OR10G7: variants seen among roughly 807,000 people sequenced by gnomAD.
OR10G7 encodes the protein olfactory receptor family 10 subfamily G member 7.
For synonymous variants in OR10G7, 165 were observed against 167.4 expected (o/e 0.99, Z 0.11); for missense variants, 338 against 382.1 (o/e 0.88, Z 0.96).
chr11:124,036,284 T>A lies in OR10G7; in HGVS notation c.*1782A>T, dbSNP rs545120455. Reference sequence around the variant, plus strand: ...TAAAGACTGACATTCTTCTTATATATGTTTATCAATAATTTACTTTCAAAA... The same window carrying A: ...TAAAGACTGACATTCTTCTTATATAAGTTTATCAATAATTTACTTTCAAAA... On this transcript the variant is annotated 3_prime_UTR_variant, in exon 2 of 2. Coordinates refer to ENST00000641585, the MANE Select transcript of OR10G7 (RefSeq NM_001004463.2). The A allele has an allele frequency of 2.0e-5, 3 of 152,318 alleles. No homozygotes were observed. The highest frequency in any genetic ancestry group is 7.2e-5 in the African/African-American group (3 of 41,598). The allele number at this position is 152,318 out of a possible 1,614,324, so 9.4% of individuals were successfully genotyped here. A position where few individuals can be genotyped will look rare whatever the true frequency, so the allele number is the denominator to read the frequency against.
chr11:124,038,436 G>A lies in OR10G7; in HGVS notation c.566C>T (p.Ala189Val), dbSNP rs758704940. 1.7e-5 allele frequency: 28 copies of A among 1,613,952 alleles called. No homozygotes were observed. The highest frequency in any genetic ancestry group is 2.3e-5 in the Non-Finnish European group (27 of 1,179,898). Reference protein sequence around the residue: ...DAPPILKLACADTSANEMVIF... With the variant: ...DAPPILKLACVDTSANEMVIF... Reference sequence around the variant, plus strand: ...GACCATCTCGTTGGCTGAGGTGTCTGCACAGGCCAGTTTCAGGATGGGCGG... The same window carrying A: ...GACCATCTCGTTGGCTGAGGTGTCTACACAGGCCAGTTTCAGGATGGGCGG... Residue 189 changes from alanine to valine, a missense_variant, in exon 2 of 2, where the codon GCA becomes GTA. By Grantham distance (64) the Ala-to-Val change is moderately conservative. Coordinates refer to ENST00000641585, the MANE Select transcript of OR10G7 (RefSeq NM_001004463.2).
At position 124,036,951 on chromosome 11, in the gene OR10G7, C is replaced by G. The variant is rs1340821269; in HGVS notation, c.*1115G>C. ...TCTGAGGAGTTTGAGAAATGCTTTT[C>G]AGTTCTAGCAGCTGCCTTCTAGTTT... On this transcript the variant is annotated 3_prime_UTR_variant, in exon 2 of 2. Coordinates refer to ENST00000641585, the MANE Select transcript of OR10G7 (RefSeq NM_001004463.2). The G allele has an allele frequency of 6.6e-6, 1 of 152,180 alleles. No individual in the cohort carries two copies. The highest frequency in any genetic ancestry group is 1.9e-4 in the East Asian group (1 of 5,194). The allele number at this position is 152,180 out of a possible 1,614,324, so 9.4% of individuals were successfully genotyped here. A position where few individuals can be genotyped will look rare whatever the true frequency, so the allele number is the denominator to read the frequency against.
chr11:124,039,045 G>A (rs780737223), intron 1 of OR10G7, 24 bp from the exon 2 acceptor site: 2 of 1,580,528 alleles, frequency 1.3e-6, no homozygotes, highest in Non-Finnish European at 1.7e-6. Context: ...AAGGAAGGGA[G>A]ATAGCATTTA....
chr11:124,038,939 C>T lies in OR10G7; in HGVS notation c.63G>A (p.Leu21=). The change falls in exon 2 of 2, where the codon CTG becomes CTA. Residue 21 remains leucine (L), a synonymous_variant. Coordinates refer to ENST00000641585, the MANE Select transcript of OR10G7 (RefSeq NM_001004463.2). ...GGAAGATTCCAAAGAGGGGGGCGTC[C>T]AGCCCTGGGGCATGGGGAAGGCCCG... The part of the protein sequence containing the change: ...ILTGLPHAPG[L]DAPLFGIFLV... The T allele has an allele frequency of 6.2e-7, 1 of 1,611,512 alleles. No homozygotes were observed. Among genetic ancestry groups the T allele is most frequent in the South Asian group, 1.1e-5 (1 of 90,770 alleles).
rs140555899 is a variant in OR10G7 at position 124,036,242 on chromosome 11, C to T, written c.*1824G>A. 3 of 152,298 alleles carry T rather than the reference C, an allele frequency of 2.0e-5. No individual in the cohort carries two copies. The highest frequency in any genetic ancestry group is 7.2e-5 in the African/African-American group (3 of 41,572). The allele number at this position is 152,298 out of a possible 1,614,324, so 9.4% of individuals were successfully genotyped here. ...TCATGCGATTCTAAAATTATTTCAA[C>T]AACATTTTCAATTAAATAAAGACTG... On this transcript the variant is annotated 3_prime_UTR_variant, in exon 2 of 2. Transcript: ENST00000641585.
At position 124,038,462 on chromosome 11, in the gene OR10G7, T is replaced by C; in HGVS notation, c.540A>G (p.Ala180=). The C allele has an allele frequency of 6.2e-7, 1 of 1,613,772 alleles. No individual in the cohort carries two copies. Among genetic ancestry groups the C allele is most frequent in the South Asian group, 1.1e-5 (1 of 91,068 alleles). Reference sequence around the variant, plus strand: ...CACAGGCCAGTTTCAGGATGGGCGGTGCGTCACAGAAGTAGTGCTGGATCT... The same window carrying C: ...CACAGGCCAGTTTCAGGATGGGCGGCGCGTCACAGAAGTAGTGCTGGATCT... ...PNQIQHYFCD[A]PPILKLACAD... The change falls in exon 2 of 2, where the codon GCA becomes GCG. Residue 180 remains alanine, a synonymous_variant. Coordinates refer to ENST00000641585, the MANE Select transcript of OR10G7 (RefSeq NM_001004463.2).
At chr11:124,039,854 G>A (rs911397369) in intron 1 of OR10G7, among the ~76,000 whole-genome samples, 1 of 152,128 alleles carries the variant, frequency 6.6e-6, no homozygotes, top group African/African-American at 2.4e-5. Context: ...AGGAATCTAG[G>A]TTGTGTGGTC....
chr11:124,040,143 G>A (rs1864231116), intron 1 of OR10G7, among the ~76,000 whole-genome samples: 1 of 151,994 alleles, frequency 6.6e-6, no homozygotes, highest in Admixed American at 6.5e-5. Flanking sequence ...AGGCAATTAA[G>A]CCTTCTCTTT....
chr11:124,040,138 A>G (rs149642344), intron 1 of OR10G7, among the ~76,000 whole-genome samples: 35 of 152,238 alleles, frequency 2.3e-4, no homozygotes, highest in Admixed American at 1.1e-3. Context: ...ATTTTAGGCA[A>G]TTAAGCCTTC....
At position 124,037,112 on chromosome 11, in the gene OR10G7, G is replaced by T. The variant is rs1007397384; in HGVS notation, c.*954C>A. ...ATTTATTTGGATGACAGATTATAAG[G>T]TTCATGGTCTGAGCCTTACCTACCC... On this transcript the variant is annotated 3_prime_UTR_variant, in exon 2 of 2. Coordinates refer to ENST00000641585, the MANE Select transcript of OR10G7 (RefSeq NM_001004463.2). 1.3e-5 allele frequency: 2 copies of T among 152,088 alleles called. No individual in the cohort carries two copies. Among genetic ancestry groups the T allele is most frequent in the Non-Finnish European group, 2.9e-5 (2 of 68,010 alleles). The allele number at this position is 152,088 out of a possible 1,614,324, so 9.4% of individuals were successfully genotyped here. A position where few individuals can be genotyped will look rare whatever the true frequency, so the allele number is the denominator to read the frequency against.
chr11:124,040,029 C>T (rs1864230364), intron 1 of OR10G7, among the ~76,000 whole-genome samples: 1 of 152,076 alleles, frequency 6.6e-6, no homozygotes, highest in South Asian at 2.1e-4. Flanking sequence ...AGTTTGACCC[C>T]AAGCTAATGC....
In OR10G7 at chr11:124,038,741, G is replaced by C. The variant is rs772294732; in HGVS notation, c.261C>G (p.Ser87Arg). Residue 87 changes from serine (S) to arginine (R), a missense_variant, in exon 2 of 2, where the codon AGC becomes AGG. Ser to Arg is a moderately radical substitution (Grantham distance 110). Coordinates refer to ENST00000641585, the MANE Select transcript of OR10G7 (RefSeq NM_001004463.2). ...PKMLMTLVSP[S>R]GRTISFHSCV... ...AGCTGTGGAAGGAGATAGTCCTGCC[G>C]CTTGGGGACACCAAGGTCATCAGCA... 1 of 1,613,884 alleles carries C rather than the reference G, an allele frequency of 6.2e-7. No individual in the cohort carries two copies. The highest frequency in any genetic ancestry group is 8.5e-7 in the Non-Finnish European group (1 of 1,180,038).
In OR10G7 at chr11:124,038,073, C is replaced by G. The variant is rs1464760016; in HGVS notation, c.929G>C (p.Gly310Ala). The change falls in exon 2 of 2, where the codon GGT becomes GCT. Residue 310 changes from glycine to alanine, a missense_variant. Transcript: ENST00000641585. ...ATATATGGCCTTTCTTAACTATTCACCCTGAGCAAATACTGACCCATTTTT... is the reference window on the plus strand; with the variant it reads ...ATATATGGCCTTTCTTAACTATTCAGCCTGAGCAAATACTGACCCATTTTT... ...KLKNGSVFAQ[G>A]E 1.0e-5 allele frequency: 16 copies of G among 1,602,990 alleles called. No individual in the cohort carries two copies. The highest frequency in any genetic ancestry group is 1.4e-5 in the Non-Finnish European group (16 of 1,174,504).
In OR10G7 at chr11:124,038,565, C is replaced by T. The variant is rs759922786; in HGVS notation, c.437G>A (p.Gly146Asp). 70 of 1,613,826 alleles carry T rather than the reference C, an allele frequency of 4.3e-5. 2 individuals carry two copies. In the East Asian group the frequency reaches 1.5e-3, roughly 35 times the overall value. The change falls in exon 2 of 2, where the codon GGC becomes GAC. Residue 146 changes from glycine to aspartate, a missense_variant. Coordinates refer to ENST00000641585, the MANE Select transcript of OR10G7 (RefSeq NM_001004463.2). ...GTGCAGAGAGCCACTGAGCCAAGTG[C>T]CGGTGGCCAGGAGGGCACACGAGCG... ...TGRSCALLAT[G>D]TWLSGSLHSA...
intron 1 of OR10G7, 92 bp from the exon 2 acceptor site, chr11:124,039,113 G>A (rs1200872325): frequency 8.1e-7 from 1 of 1,232,300 alleles, no homozygotes; most frequent in African/African-American, 1.5e-5. Flanking sequence ...AAGAACAATA[G>A]GGTTAAATTA....
rs148030956 is a variant in OR10G7, at chr11:124,037,600, T to C, written c.*466A>G. ...AGCCATTCTTCTTGAGAACCAAGCC[T>C]TTTTGTCTAGTATTTTCTAAAGTAA... On this transcript the variant is annotated 3_prime_UTR_variant, in exon 2 of 2. Coordinates refer to ENST00000641585, the MANE Select transcript of OR10G7 (RefSeq NM_001004463.2). The C allele has an allele frequency of 0.014, 2,185 of 152,232 alleles. 28 individuals carry two copies. The highest frequency in any genetic ancestry group is 0.024 in the Middle Eastern group (7 of 294). 9.4% of individuals were successfully genotyped at this position (152,232 alleles called of 1,614,324 possible).
chr11:124,038,604 T>G lies in OR10G7; in HGVS notation c.398A>C (p.Asn133Thr). ...GGCACACGAGCGCCCAGTCATCATGTTGGTGTACCTGAGCGGGTAACTGAT... is the reference window on the plus strand; with the variant it reads ...GGCACACGAGCGCCCAGTCATCATGGTGGTGTACCTGAGCGGGTAACTGAT... ...LAISYPLRYT[N>T]MMTGRSCALL... Residue 133 changes from asparagine (N) to threonine (T), a missense_variant, in exon 2 of 2, where the codon AAC (asparagine) becomes ACC (threonine). Coordinates refer to ENST00000641585, the MANE Select transcript of OR10G7 (RefSeq NM_001004463.2). 1 of 1,613,814 alleles carries G rather than the reference T, an allele frequency of 6.2e-7. No homozygotes were observed. Among genetic ancestry groups the G allele is most frequent in the Non-Finnish European group, 8.5e-7 (1 of 1,179,942 alleles).
Position 124,038,748 on chromosome 11 carries a change from G to A in OR10G7, c.254C>T (p.Ser85Phe), listed in dbSNP as rs747254690. The A allele has an allele frequency of 5.6e-6, 9 of 1,613,914 alleles. No homozygotes were observed. Among genetic ancestry groups the A allele is most frequent in the African/African-American group, 5.3e-5 (4 of 74,782 alleles). ...TVPKMLMTLV[S>F]PSGRTISFHS... ...GAAGGAGATAGTCCTGCCGCTTGGG[G>A]ACACCAAGGTCATCAGCATTTTGGG... The change falls in exon 2 of 2, where the codon TCC becomes TTC. Residue 85 changes from serine (S) to phenylalanine (F), a missense_variant. Coordinates refer to ENST00000641585, the MANE Select transcript of OR10G7 (RefSeq NM_001004463.2).
Position 124,038,555 on chromosome 11 carries a change from G to A in OR10G7, c.447C>T (p.Leu149=). 3 of 1,613,894 alleles carry A rather than the reference G, an allele frequency of 1.9e-6. No homozygotes were observed. The highest frequency in any genetic ancestry group is 2.5e-6 in the Non-Finnish European group (3 of 1,179,896). ...SCALLATGTW[L]SGSLHSAVQT... ...GGACAGCAGAGTGCAGAGAGCCACT[G>A]AGCCAAGTGCCGGTGGCCAGGAGGG... Residue 149 remains leucine (L), a synonymous_variant, in exon 2 of 2, where the codon CTC becomes CTT. Coordinates refer to ENST00000641585, the MANE Select transcript of OR10G7 (RefSeq NM_001004463.2).
Sources: allele counts gnomAD v4.1 joint callset (sites outside exome capture counted in the v4.1 genomes callset), GRCh38; gene constraint gnomAD v4.1.1; transcripts MANE v1.5; gene names NCBI Gene and HGNC (gene_info 2026-07-23, HGNC 2026-07-21).